CDH23: variants seen among roughly 807,000 people sequenced by gnomAD.
The protein encoded by CDH23 is cadherin related 23.
Under a neutral mutation model 317.1 loss-of-function variants are expected in CDH23, and 189 were observed. The ratio of observed to expected loss-of-function variants is 0.60; its 90% confidence interval spans 0.53 to 0.67. The LOEUF is 0.67. CDH23 is among the 30% of genes least tolerant of loss of function. The pLI, the probability that CDH23 is intolerant of heterozygous loss-of-function variation, is 0.00. For synonymous variants in CDH23, 1,839 were observed against 1,876.8 expected (o/e 0.98, Z 0.52); for missense variants, 4,401 against 4,592.4 (o/e 0.96, Z 1.20).
At chr10:71,607,617 G>T (rs968952338) in intron 9 of CDH23, among the ~76,000 whole-genome samples, 28 of 152,176 alleles carry the variant, frequency 1.8e-4, no homozygotes, top group Non-Finnish European at 1.9e-4. Context: ...CCGAAAACAG[G>T]TATGGCCAGG....
chr10:71,455,266 A>G (rs1014886927), intron 3 of CDH23, among the ~76,000 whole-genome samples: 5 of 152,202 alleles, frequency 3.3e-5, no homozygotes, highest in Admixed American at 3.3e-4. Context: ...TTGCATAACC[A>G]TGATACAATT....
At chr10:71,674,183 G>A (rs536499537) in intron 14 of CDH23, among the ~76,000 whole-genome samples, 1 of 152,094 alleles carries the variant, frequency 6.6e-6, no homozygotes, top group Admixed American at 6.5e-5. Flanking sequence ...CATTCATTTG[G>A]GATAGAAATA....
chr10:71,630,692 C>T (rs1442475364), intron 11 of CDH23, among the ~76,000 whole-genome samples: 2 of 152,216 alleles, frequency 1.3e-5, no homozygotes, highest in Non-Finnish European at 2.9e-5. Flanking sequence ...GCCAAGAAGG[C>T]ACATGGGCTG....
chr10:71,652,440 G>A (rs1490495696), intron 14 of CDH23, among the ~76,000 whole-genome samples: 1 of 152,236 alleles, frequency 6.6e-6, no homozygotes, highest in East Asian at 1.9e-4. Flanking sequence ...TTGCAGTGAT[G>A]TGGTGTAAAC....
At chr10:71,785,134 G>A (rs983502014) in intron 43 of CDH23, 34 bp downstream of exon 43, 1 of 1,577,084 alleles carries the variant, frequency 6.3e-7, no homozygotes, top group Non-Finnish European at 8.7e-7. Flanking sequence ...GAGCTTCCCA[G>A]GGTTTCCAGT....
At chr10:71,473,931 A>C (rs1851651154) in intron 3 of CDH23, among the ~76,000 whole-genome samples, 1 of 152,208 alleles carries the variant, frequency 6.6e-6, no homozygotes, top group Non-Finnish European at 1.5e-5. Flanking sequence ...AAGGATGATA[A>C]TGCCTCTGCC....
At chr10:71,592,422 C>A (rs150684902) in intron 9 of CDH23, among the ~76,000 whole-genome samples, 1 of 152,302 alleles carries the variant, frequency 6.6e-6, no homozygotes, top group African/African-American at 2.4e-5. Context: ...TGAAGTGAGG[C>A]TTATGGGGTT....
chr10:71,625,070 A>G (rs1861649495), intron 11 of CDH23, among the ~76,000 whole-genome samples: 1 of 152,134 alleles, frequency 6.6e-6, no homozygotes, highest in South Asian at 2.1e-4. Context: ...ACGGCTCTGA[A>G]TAGGGCCTTA....
intron 28 of CDH23, chr10:71,716,371 A>G: frequency 6.9e-7 from 1 of 1,454,196 alleles, no homozygotes; most frequent in Non-Finnish European, 9.1e-7. Flanking sequence ...AGAAGCTCAA[A>G]GGCAGATCAG....
At chr10:71,700,734 G>GC (rs1424491356) in intron 22 of CDH23, among the ~76,000 whole-genome samples, 3 of 152,168 alleles carry the variant, frequency 2.0e-5, no homozygotes, top group African/African-American at 7.2e-5. Flanking sequence ...TGAAGGAGAA[G>GC]CCTGCCTAGG....
At chr10:71,556,786 G>T (rs532050936) in intron 6 of CDH23, among the ~76,000 whole-genome samples, 1 of 152,198 alleles carries the variant, frequency 6.6e-6, no homozygotes, top group South Asian at 2.1e-4. Flanking sequence ...CACCCATAGA[G>T]AACCTCATTC....
chr10:71,571,305 G>A (rs1346416573), intron 8 of CDH23, among the ~76,000 whole-genome samples: 1 of 151,548 alleles, frequency 6.6e-6, no homozygotes, highest in East Asian at 1.9e-4. Context: ...GTGTCAGTCT[G>A]TCCCTCTCTG....
intron 3 of CDH23, among the ~76,000 whole-genome samples, chr10:71,509,655 G>A (rs1853841813): frequency 6.6e-6 from 1 of 152,176 alleles, no homozygotes; most frequent in Non-Finnish European, 1.5e-5. Flanking sequence ...CCCTGAACCA[G>A]TCATCATGAC....
At chr10:71,676,238 G>A (rs563749148) in intron 15 of CDH23, among the ~76,000 whole-genome samples, 4 of 151,906 alleles carry the variant, frequency 2.6e-5, no homozygotes, top group African/African-American at 4.8e-5. Context: ...CGAAGGCCAC[G>A]TGTCTGATGC....
At chr10:71,621,670 A>G (rs1189492467) in intron 11 of CDH23, among the ~76,000 whole-genome samples, 4 of 152,186 alleles carry the variant, frequency 2.6e-5, no homozygotes, top group African/African-American at 9.7e-5. Flanking sequence ...GGGAAGGAAG[A>G]AGCAGTGTAA....
intron 9 of CDH23, among the ~76,000 whole-genome samples, chr10:71,583,571 G>C (rs1321059140): frequency 1.3e-5 from 2 of 152,172 alleles, no homozygotes; most frequent in Non-Finnish European, 2.9e-5. Flanking sequence ...GGAGGCCTTA[G>C]AGGAGGTGCT....
At chr10:71,408,864 C>T (rs568129370) in intron 1 of CDH23, among the ~76,000 whole-genome samples, 26 of 152,328 alleles carry the variant, frequency 1.7e-4, no homozygotes, top group African/African-American at 5.8e-4. Context: ...TTCCTACTTT[C>T]CTTTCAACTG....
intron 6 of CDH23, among the ~76,000 whole-genome samples, chr10:71,557,728 A>G (rs765192930): frequency 6.6e-6 from 1 of 152,212 alleles, no homozygotes; most frequent in Non-Finnish European, 1.5e-5. Context: ...TTAGTGTTTC[A>G]GCCTATAGTG....
intron 6 of CDH23, among the ~76,000 whole-genome samples, chr10:71,553,008 C>A (rs1010204950): frequency 3.3e-5 from 5 of 152,188 alleles, no homozygotes; most frequent in Non-Finnish European, 5.9e-5. Flanking sequence ...GCTTTTTCAT[C>A]TGTAAGACAG....
Sources: gnomAD v4.1 joint callset for allele counts (sites outside exome capture counted in the v4.1 genomes callset) on GRCh38, gnomAD v4.1.1 for gene constraint, MANE v1.5 for transcripts, NCBI Gene and HGNC (gene_info 2026-07-23, HGNC 2026-07-21) for gene names.